The following JPH3 variants were observed in gnomAD, a reference collection of about 807,000 sequenced individuals.
The protein encoded by JPH3 is junctophilin 3.
A neutral mutation model predicts 59.6 loss-of-function variants in JPH3; 11 were observed. That is an observed-to-expected ratio of 0.18 (90% CI 0.12 to 0.31). The LOEUF (loss-of-function observed/expected upper bound fraction) is 0.31. JPH3 is among the 10% of genes least tolerant of loss of function. The probability of loss-of-function intolerance (pLI) is 1.00; values close to 1 mark genes in which losing one functional copy is unlikely to be tolerated. For missense variants in JPH3, 1,202 were observed against 1,105.7 expected, an observed-to-expected ratio of 1.09 and a Z score of -1.24; for synonymous variants, 673 against 483.6, an observed-to-expected ratio of 1.39 and a Z score of -5.14.
chr16:87,630,236 C>A (rs1017905850), intron 1 of JPH3, among the ~76,000 whole-genome samples: 1 of 152,196 alleles, frequency 6.6e-6, no homozygotes, highest in Non-Finnish European at 1.5e-5. Context: ...TTGCTGCCCA[C>A]CTCTGGGGCC....
At chr16:87,680,966 G>A (rs867153860) in intron 2 of JPH3, among the ~76,000 whole-genome samples, 2 of 152,110 alleles carry the variant, frequency 1.3e-5, no homozygotes, top group Admixed American at 6.5e-5. Context: ...TTGGTCCCTC[G>A]TGCTGTGTGT....
intron 2 of JPH3, among the ~76,000 whole-genome samples, chr16:87,683,085 G>C (rs1024813507): frequency 4.6e-5 from 7 of 152,160 alleles, no homozygotes; most frequent in Non-Finnish European, 1.0e-4. Flanking sequence ...GTCATCTTTC[G>C]GCTGGGTGAG....
chr16:87,608,722 G>A (rs1290728421), intron 1 of JPH3, among the ~76,000 whole-genome samples: 1 of 152,148 alleles, frequency 6.6e-6, no homozygotes, highest in Non-Finnish European at 1.5e-5. Flanking sequence ...GGACCCTCCA[G>A]CACACTCAAC....
chr16:87,634,345 C>G (rs1308357235), intron 1 of JPH3, among the ~76,000 whole-genome samples: 1 of 152,084 alleles, frequency 6.6e-6, no homozygotes, highest in Admixed American at 6.5e-5. Flanking sequence ...CAAAGCGGCT[C>G]AAGTGGAAGA....
chr16:87,696,557 C>T lies in JPH3; in HGVS notation c.2167-23C>T, dbSNP rs1310737866. 1.9e-6 allele frequency: 3 copies of T among 1,608,058 alleles called. No individual in the cohort carries two copies. In the African/African-American group the frequency reaches 4.0e-5, roughly 21 times the overall value. On this transcript the variant is annotated intron_variant, in intron 4 of 4. Coordinates refer to ENST00000284262, the MANE Select transcript of JPH3 (RefSeq NM_020655.4). ...AGAGCCCCCCGCAGCTGTCGCTCACCTCTTCCCCTCGCTCTCTTCCAGGGC... is the reference window on the plus strand; with the variant it reads ...AGAGCCCCCCGCAGCTGTCGCTCACTTCTTCCCCTCGCTCTCTTCCAGGGC...
intron 1 of JPH3, among the ~76,000 whole-genome samples, chr16:87,624,402 A>G (rs945024592): frequency 2.6e-5 from 4 of 151,970 alleles, no homozygotes; most frequent in Admixed American, 2.6e-4. Context: ...GCATGCGTGG[A>G]GTCATACGCT....
chr16:87,673,781 C>G (rs1374301224), intron 2 of JPH3, among the ~76,000 whole-genome samples: 1 of 151,864 alleles, frequency 6.6e-6, no homozygotes, highest in Non-Finnish European at 1.5e-5. Flanking sequence ...TAAAAATGAG[C>G]TGGGTGTGAT....
At chr16:87,680,425 C>T (rs1481213028) in intron 2 of JPH3, among the ~76,000 whole-genome samples, 2 of 152,302 alleles carry the variant, frequency 1.3e-5, no homozygotes, top group Non-Finnish European at 2.9e-5. Flanking sequence ...GTGCTCTGGC[C>T]CAGGAACCGG....
intron 1 of JPH3, among the ~76,000 whole-genome samples, chr16:87,626,822 A>G (rs531658805): frequency 6.6e-6 from 1 of 152,212 alleles, no homozygotes; most frequent in Non-Finnish European, 1.5e-5. Flanking sequence ...GCTCTTCAGC[A>G]GCAAGAGTGT....
chr16:87,628,197 C>T (rs1249465344), intron 1 of JPH3, among the ~76,000 whole-genome samples: 1 of 152,258 alleles, frequency 6.6e-6, no homozygotes, highest in Non-Finnish European at 1.5e-5. Context: ...CCCAGGTCTC[C>T]TGAGCCTGTG....
At position 87,659,374 on chromosome 16, in the gene JPH3, C is replaced by CAAAAAAAAAA. The variant is rs1354448370; in HGVS notation, c.1160+14342_1160+14351dup. ...CCTGGGTGACAGAGTAAGACTGTCT[C>CAAAAAAAAAA]AAAAAAAAAAAAGAAAAAAAAAAAG... On this transcript the variant is annotated intron_variant, in intron 2 of 4. Coordinates refer to ENST00000284262, the MANE Select transcript of JPH3 (RefSeq NM_020655.4). 1.4e-3 allele frequency among the ~76,000 whole-genome samples: 104 copies of CAAAAAAAAAA among 74,500 alleles called. 6 individuals are homozygous for CAAAAAAAAAA. Among genetic ancestry groups the CAAAAAAAAAA allele is most frequent in the African/African-American group, 4.0e-3 (65 of 16,134 alleles). 48.9% of individuals were successfully genotyped at this position (74,500 alleles called of 152,430 possible). A position where few individuals can be genotyped will look rare whatever the true frequency, so the allele number is the denominator to read the frequency against.
chr16:87,695,107 T>C (rs1253094145), intron 4 of JPH3: 1 of 356,380 alleles, frequency 2.8e-6, no homozygotes, highest in Non-Finnish European at 5.5e-6. Flanking sequence ...TCTCATCAAT[T>C]CTCTTCCAGT....
intron 1 of JPH3, among the ~76,000 whole-genome samples, chr16:87,616,921 C>T (rs530470310): frequency 6.6e-6 from 1 of 152,294 alleles, no homozygotes; most frequent in East Asian, 1.9e-4. Context: ...TTAGGTGTTG[C>T]CTATATCAAT....
At chr16:87,666,552 T>C (rs7202893) in intron 2 of JPH3, among the ~76,000 whole-genome samples, 55,882 of 151,822 alleles carry the variant, frequency 0.37, 10,916 homozygotes, top group East Asian at 0.63. Flanking sequence ...CCACCATGCC[T>C]TACTAATTTT....
At chr16:87,639,980 G>A (rs1211439877) in intron 1 of JPH3, among the ~76,000 whole-genome samples, 2 of 152,216 alleles carry the variant, frequency 1.3e-5, no homozygotes, top group East Asian at 3.9e-4. Flanking sequence ...AGGGATCTCA[G>A]GGAGTGGGTG....
chr16:87,649,015 C>G (rs2032244311), intron 2 of JPH3, among the ~76,000 whole-genome samples: 1 of 152,344 alleles, frequency 6.6e-6, no homozygotes, highest in South Asian at 2.1e-4. Context: ...CACACGCAGC[C>G]ACAACACGGG....
chr16:87,692,395 G>C (rs564875281), intron 4 of JPH3, among the ~76,000 whole-genome samples: 8 of 152,316 alleles, frequency 5.3e-5, no homozygotes, highest in African/African-American at 9.6e-5. Context: ...TCGGGTGCCA[G>C]GCTGGGCTGA....
chr16:87,676,685 G>T (rs1471276822), intron 2 of JPH3, among the ~76,000 whole-genome samples: 2 of 151,658 alleles, frequency 1.3e-5, no homozygotes, highest in African/African-American at 2.4e-5. Context: ...AGTGAGCTGA[G>T]ATCACACCAC....
At chr16:87,695,939 G>A (rs1156258267) in intron 4 of JPH3, 2 of 456,068 alleles carry the variant, frequency 4.4e-6, no homozygotes, top group South Asian at 1.5e-5. Flanking sequence ...GGACTTGTGA[G>A]CCACTTCAGG....
Sources: gnomAD v4.1 joint callset for allele counts (sites outside exome capture counted in the v4.1 genomes callset) on GRCh38, gnomAD v4.1.1 for gene constraint, MANE v1.5 for transcripts, NCBI Gene and HGNC (gene_info 2026-07-23, HGNC 2026-07-21) for gene names.